Variants in ITLN2 observed in about 807,000 individuals in gnomAD.
ITLN2 encodes the protein intelectin-2.
Under a neutral mutation model 39.4 loss-of-function variants are expected in ITLN2, and 29 were observed. That is an observed-to-expected ratio of 0.74 (90% CI 0.55 to 1.00). The LOEUF is 1.00. Ranked by LOEUF, ITLN2 falls within the 50% of genes least tolerant of loss-of-function variation. The pLI, the probability that ITLN2 is intolerant of heterozygous loss-of-function variation, is 0.00. For missense variants in ITLN2, 412 were observed against 416.7 expected (o/e 0.99, Z 0.10); for synonymous variants, 156 against 153.4 (o/e 1.02, Z -0.12).
chr1:160,952,805 C>T, intron 2 of ITLN2, 72 bp from the exon 3 acceptor site: 1 of 1,078,726 alleles, frequency 9.3e-7, no homozygotes, highest in Non-Finnish European at 1.4e-6. Flanking sequence ...AATCTCTGCC[C>T]CTGTATCAAC....
chr1:160,948,441 C>T (rs1413967756), intron 6 of ITLN2, among the ~76,000 whole-genome samples: 1 of 152,198 alleles, frequency 6.6e-6, no homozygotes. Context: ...TGACCATCAC[C>T]TGCTTTCATC....
At chr1:160,949,645 G>A (rs1671693659) in intron 6 of ITLN2, 2 of 174,052 alleles carry the variant, frequency 1.1e-5, no homozygotes, top group South Asian at 2.7e-4. Context: ...ATGTCTCTGT[G>A]AGCACAGGGT....
chr1:160,952,638 G>T lies in ITLN2; in HGVS notation c.175C>A (p.Arg59Ser). The change falls in exon 3 of 8, where the codon CGC (arginine) becomes AGC (serine). Residue 59 changes from arginine to serine, a missense_variant. Coordinates refer to ENST00000368029, the MANE Select transcript of ITLN2 (RefSeq NM_080878.3). ...LPRSCKEIKE[R>S]CHSAGDGLYF... ...TACTCACCACCTGCACTATGGCAGCGTTCCTTGATTTCTTTGCAGCTTCTA... is the reference window on the plus strand; with the variant it reads ...TACTCACCACCTGCACTATGGCAGCTTTCCTTGATTTCTTTGCAGCTTCTA... 6.2e-7 allele frequency: 1 copy of T among 1,613,478 alleles called. No homozygotes were observed.
chr1:160,949,378 G>A (rs1671685828), intron 6 of ITLN2: 1 of 152,540 alleles, frequency 6.6e-6, no homozygotes, highest in Admixed American at 6.5e-5. Flanking sequence ...CTTTGTGGGT[G>A]TCGGGCTGGG....
Position 160,948,027 on chromosome 1 carries a change from A to G in ITLN2, c.727T>C (p.Phe243Leu). ...SYYSPYGQRE[F>L]VAGFVQFRVF... ...CGGAACTGAACGAATCCTGCAACAA[A>G]TTCCCCTGAAAAAGAAGAGGTGAAG... The change falls in exon 7 of 8, where the codon TTT becomes CTT. Residue 243 changes from phenylalanine to leucine, a missense_variant. Physicochemically the swap from Phe to Leu is conservative, Grantham distance 22. Transcript: ENST00000368029. 1 of 1,613,666 alleles carries G rather than the reference A, an allele frequency of 6.2e-7. No homozygotes were observed. The highest frequency in any genetic ancestry group is 8.5e-7 in the Non-Finnish European group (1 of 1,179,632).
chr1:160,950,817 A>C, intron 4 of ITLN2, 106 bp from the exon 5 acceptor site: 1 of 1,517,590 alleles, frequency 6.6e-7, no homozygotes. Context: ...ATCAGTAGGC[A>C]GATGGCCAGC....
At chr1:160,949,559 C>A in intron 6 of ITLN2, 1 of 159,892 alleles carries the variant, frequency 6.3e-6, no homozygotes, top group Non-Finnish European at 1.4e-5. Flanking sequence ...AACAAGCATG[C>A]TGCCTTCAAG....
At position 160,954,444 on chromosome 1, in the gene ITLN2, T is replaced by C. The variant is rs748710315; in HGVS notation, c.22A>G (p.Met8Val). 1 of 1,579,142 alleles carries C rather than the reference T, an allele frequency of 6.3e-7. No homozygotes were observed. Among genetic ancestry groups the C allele is most frequent in the Non-Finnish European group, 8.6e-7 (1 of 1,160,836 alleles). ...AATAACAGGAAGCAGAGTCTGGTCA[T>C]TGTCCTCTAAGGAAAAACAAGATGC... MLSMLRT[M>V]TRLCFLLFFS... The change falls in exon 2 of 8, where the codon ATG becomes GTG. Residue 8 changes from methionine to valine, a missense_variant. Coordinates refer to ENST00000368029, the MANE Select transcript of ITLN2 (RefSeq NM_080878.3).
Position 160,950,606 on chromosome 1 carries a change from T to C in ITLN2, c.547A>G (p.Thr183Ala). The C allele has an allele frequency of 6.2e-7, 1 of 1,614,200 alleles. No individual in the cohort carries two copies. Among genetic ancestry groups the C allele is most frequent in the South Asian group, 1.1e-5 (1 of 91,082 alleles). The change falls in exon 5 of 8, where the codon ACC (threonine) becomes GCC (alanine). Residue 183 changes from threonine to alanine, a missense_variant. Coordinates refer to ENST00000368029, the MANE Select transcript of ITLN2 (RefSeq NM_080878.3). Reference protein sequence around the residue: ...WRNSALLRYRTNTGFLQRLGH... With the variant: ...WRNSALLRYRANTGFLQRLGH... ...AGTCTCTGGAGGAAGCCAGTGTTGG[T>C]GCGGTACCTCAGCAGGGCGCTGTTT...
Position 160,954,454 on chromosome 1 carries a change from A to T in ITLN2, c.16-4T>A. The T allele has an allele frequency of 2.5e-6, 4 of 1,575,424 alleles. No homozygotes were observed. The highest frequency in any genetic ancestry group is 2.3e-5 in the East Asian group (1 of 43,942). ...AGCAGAGTCTGGTCATTGTCCTCTA[A>T]GGAAAAACAAGATGCACAAGGTCAC... On this transcript the variant is annotated splice_polypyrimidine_tract_variant and splice_region_variant and intron_variant, in intron 1 of 7. Coordinates refer to ENST00000368029, the MANE Select transcript of ITLN2 (RefSeq NM_080878.3).
At position 160,953,044 on chromosome 1, in the gene ITLN2, G is replaced by A. The variant is rs575078338; in HGVS notation, c.80-311C>T. On this transcript the variant is annotated intron_variant, in intron 2 of 7. Coordinates refer to ENST00000368029, the MANE Select transcript of ITLN2 (RefSeq NM_080878.3). Reference sequence around the variant, plus strand: ...CATGGAAAGGGACCCAACTGAGATGGGAGGGCAAACCCACTAACGGGGGTG... The same window carrying A: ...CATGGAAAGGGACCCAACTGAGATGAGAGGGCAAACCCACTAACGGGGGTG... Among the ~76,000 whole-genome samples the A allele has an allele frequency of 3.3e-5, 5 of 152,324 alleles. No individual in the cohort carries two copies. The East Asian group carries it at 9.7e-4, about 29-fold the overall frequency.
chr1:160,946,178 G>A (rs6656769), intron 7 of ITLN2, among the ~76,000 whole-genome samples: 75,417 of 150,776 alleles, frequency 0.5, 19,743 homozygotes, highest in Middle Eastern at 0.59. Flanking sequence ...GGGTGTGGCA[G>A]TGCATTCCTG....
chr1:160,948,086 C>T, intron 6 of ITLN2, 54 bp from the exon 7 acceptor site: 2 of 1,450,194 alleles, frequency 1.4e-6, no homozygotes, highest in East Asian at 2.3e-5. Context: ...GAACTAGAAG[C>T]AGCATCCCAT....
chr1:160,954,631 C>A, intron 1 of ITLN2, 96 bp downstream of exon 1: 1 of 1,448,750 alleles, frequency 6.9e-7, no homozygotes, highest in Non-Finnish European at 9.7e-7. Flanking sequence ...CCCAAGGGGC[C>A]ATGGGCTCAT....
intron 4 of ITLN2, 139 bp from the exon 5 acceptor site, chr1:160,950,850 A>C (rs569861326): frequency 6.9e-7 from 1 of 1,457,662 alleles, no homozygotes; most frequent in Non-Finnish European, 9.3e-7. Context: ...CCCCACTCCC[A>C]GCTGATGATC....
At chr1:160,947,321 G>A (rs999925847) in intron 7 of ITLN2, among the ~76,000 whole-genome samples, 21 of 152,184 alleles carry the variant, frequency 1.4e-4, no homozygotes, top group African/African-American at 4.1e-4. Flanking sequence ...GCCACAGGGC[G>A]GTTTTCTCCT....
intron 6 of ITLN2, chr1:160,949,655 T>TTGG: frequency 5.7e-6 from 1 of 176,118 alleles, no homozygotes; most frequent in Non-Finnish European, 1.2e-5. Context: ...GAGCACAGGG[T>TTGG]TGGGGGTAGG....
chr1:160,952,720 A>C lies in ITLN2; in HGVS notation c.93T>G (p.Ser31=), dbSNP rs1165811403. 4 of 1,613,226 alleles carry C rather than the reference A, an allele frequency of 2.5e-6. No homozygotes were observed. The highest frequency in any genetic ancestry group is 3.4e-6 in the Non-Finnish European group (4 of 1,179,420). ...TSGCSAAAAS[S]LEMLSREFET... Reference sequence around the variant, plus strand: ...CGAATTCCCTCGAGAGCATCTCAAGAGAAGAGGCTGCTGCTAGAAAATGTG... The same window carrying C: ...CGAATTCCCTCGAGAGCATCTCAAGCGAAGAGGCTGCTGCTAGAAAATGTG... Residue 31 remains serine (S), a synonymous_variant, in exon 3 of 8, where the codon TCT becomes TCG. Transcript: ENST00000368029.
intron 6 of ITLN2, chr1:160,949,814 T>C: frequency 2.0e-6 from 1 of 491,726 alleles, no homozygotes; most frequent in Admixed American, 3.2e-5. Flanking sequence ...TACAAGGTGG[T>C]GATGAAGAAA....
Sources: gnomAD v4.1 joint callset for allele counts (sites outside exome capture counted in the v4.1 genomes callset) on GRCh38, gnomAD v4.1.1 for gene constraint, MANE v1.5 for transcripts, NCBI Gene and HGNC (gene_info 2026-07-23, HGNC 2026-07-21) for gene names.